SLC2A13: variants seen among roughly 807,000 people sequenced by gnomAD.
SLC2A13 encodes proton myo-inositol cotransporter.
A neutral mutation model predicts 64.4 loss-of-function variants in SLC2A13; 32 were observed. That is an observed-to-expected ratio of 0.50 (90% CI 0.37 to 0.67). SLC2A13 has a LOEUF of 0.67. Ranked by LOEUF, SLC2A13 falls within the 30% of genes least tolerant of loss-of-function variation. SLC2A13 has a pLI of 0.00. For synonymous variants in SLC2A13, 338 were observed against 327.1 expected (o/e 1.03, Z -0.36); for missense variants, 743 against 829.2 (o/e 0.90, Z 1.28).
chr12:39,973,771 T>C (rs1946712651), intron 3 of SLC2A13, among the ~76,000 whole-genome samples: 1 of 152,232 alleles, frequency 6.6e-6, no homozygotes, highest in Non-Finnish European at 1.5e-5. Flanking sequence ...CTTACTGCTA[T>C]CAGAGGTCAA....
At chr12:40,033,472 A>C (rs1947934241) in intron 2 of SLC2A13, among the ~76,000 whole-genome samples, 1 of 152,238 alleles carries the variant, frequency 6.6e-6, no homozygotes, top group South Asian at 2.1e-4. Context: ...CCAACACAGT[A>C]CCACCCACTG....
intron 6 of SLC2A13, among the ~76,000 whole-genome samples, chr12:39,840,585 T>C (rs1943155237): frequency 6.6e-6 from 1 of 151,994 alleles, no homozygotes; most frequent in Admixed American, 6.6e-5. Context: ...CATATTGTTT[T>C]CTCTGGATGT....
intron 7 of SLC2A13, among the ~76,000 whole-genome samples, chr12:39,825,175 C>T (rs913767421): frequency 2.0e-5 from 3 of 151,976 alleles, no homozygotes; most frequent in Non-Finnish European, 4.4e-5. Context: ...ACTGAATCAG[C>T]GCATTAAGAA....
intron 4 of SLC2A13, among the ~76,000 whole-genome samples, chr12:39,893,860 A>G (rs1166539982): frequency 6.6e-6 from 1 of 152,192 alleles, no homozygotes; most frequent in Non-Finnish European, 1.5e-5. Flanking sequence ...TAAGCTTTCA[A>G]TTTTTGAATT....
chr12:40,044,859 T>C (rs1231840125), intron 2 of SLC2A13, among the ~76,000 whole-genome samples: 2 of 152,062 alleles, frequency 1.3e-5, no homozygotes, highest in African/African-American at 4.8e-5. Context: ...TTATCAAAAA[T>C]TATGGCTGTT....
chr12:39,763,299 GATA>G (rs1398265269), intron 9 of SLC2A13, among the ~76,000 whole-genome samples: 2 of 151,970 alleles, frequency 1.3e-5, no homozygotes, highest in Non-Finnish European at 2.9e-5. Flanking sequence ...GTTTTATGAA[GATA>G]ATAAAAGCAT....
At position 39,759,938 on chromosome 12, in the gene SLC2A13, C is replaced by A; in HGVS notation, c.*88G>T. The stretch of plus-strand genomic sequence containing the variant: ...ATCAAAACTAGGCTGTGGAAAGAAC[C>A]AGATTAGAAGCAGGGCAGTGAAGTC... On this transcript the variant is annotated 3_prime_UTR_variant, in exon 10 of 10. Transcript: ENST00000280871. The A allele has an allele frequency of 1.1e-6, 1 of 937,928 alleles. No individual in the cohort carries two copies. Among genetic ancestry groups the A allele is most frequent in the East Asian group, 2.5e-5 (1 of 39,824 alleles). 58.1% of individuals were successfully genotyped at this position (937,928 alleles called of 1,614,324 possible).
rs764788826 is a variant in SLC2A13 at position 39,864,896 on chromosome 12, A to AT, written c.1199-15_1199-14insA. 51 of 1,601,516 alleles carry AT rather than the reference A, an allele frequency of 3.2e-5. No individual in the cohort carries two copies. In the South Asian group the frequency reaches 5.0e-4, roughly 16 times the overall value. On this transcript the variant is annotated splice_polypyrimidine_tract_variant and intron_variant, in intron 5 of 9. Transcript: ENST00000280871. ...CTACGGTGGTACCTTAAAAAAAAAAAGTTTTATATTAGAGAAGAGTTGACA... is the reference window on the plus strand; with the variant it reads ...CTACGGTGGTACCTTAAAAAAAAAAATGTTTTATATTAGAGAAGAGTTGACA...
intron 7 of SLC2A13, among the ~76,000 whole-genome samples, chr12:39,828,300 A>T (rs557732573): frequency 6.6e-6 from 1 of 152,020 alleles, no homozygotes; most frequent in African/African-American, 2.4e-5. Context: ...TATTGTAAGG[A>T]TATGCTGTGA....
In SLC2A13 at chr12:40,088,358, G is replaced by A. The variant is rs182389639; in HGVS notation, c.556+16895C>T. Among the ~76,000 whole-genome samples the A allele has an allele frequency of 8.5e-5, 13 of 152,308 alleles. 1 individual carries two copies. The highest frequency in any genetic ancestry group is 2.9e-5 in the Non-Finnish European group (2 of 68,016). On this transcript the variant is annotated intron_variant, in intron 1 of 9. Coordinates refer to ENST00000280871, the MANE Select transcript of SLC2A13 (RefSeq NM_052885.4). ...TCTAAAACCTCAACATCATATATTA[G>A]AAGGAATTACAAGTTAGAAGAAATT...
chr12:39,768,675 T>C (rs11173507), intron 7 of SLC2A13, among the ~76,000 whole-genome samples: 20,370 of 151,972 alleles, frequency 0.13, 1,648 homozygotes, highest in East Asian at 0.4. Context: ...TTTGACGTCT[T>C]ATACGGGTGC....
intron 4 of SLC2A13, among the ~76,000 whole-genome samples, chr12:39,873,172 T>G (rs1944098879): frequency 1.3e-5 from 2 of 152,284 alleles, no homozygotes; most frequent in African/African-American, 4.8e-5. Flanking sequence ...AAACCAAACC[T>G]ATAAATTAAC....
intron 1 of SLC2A13, among the ~76,000 whole-genome samples, chr12:40,088,421 T>C (rs781700892): frequency 3.3e-5 from 5 of 152,214 alleles, no homozygotes; most frequent in Non-Finnish European, 5.9e-5. Flanking sequence ...TGGGGAGAAC[T>C]GTCAATTTTT....
At chr12:40,062,185 T>A (rs1948434354) in intron 1 of SLC2A13, among the ~76,000 whole-genome samples, 1 of 152,090 alleles carries the variant, frequency 6.6e-6, no homozygotes, top group South Asian at 2.1e-4. Context: ...AAAAAATACA[T>A]ACCAAAAATA....
intron 3 of SLC2A13, among the ~76,000 whole-genome samples, chr12:39,953,222 C>T (rs555239162): frequency 4.5e-4 from 68 of 152,198 alleles, no homozygotes; most frequent in African/African-American, 1.6e-3. Context: ...GCCATAAAAA[C>T]AAGAGATAAG....
At chr12:39,777,621 C>T (rs1340105519) in intron 7 of SLC2A13, among the ~76,000 whole-genome samples, 3 of 152,130 alleles carry the variant, frequency 2.0e-5, no homozygotes, top group Admixed American at 1.3e-4. Context: ...CCTATAAAAA[C>T]CCCGAGACCC....
chr12:40,098,046 T>C (rs1287007751), intron 1 of SLC2A13, among the ~76,000 whole-genome samples: 3 of 150,952 alleles, frequency 2.0e-5, no homozygotes, highest in Non-Finnish European at 4.4e-5. Flanking sequence ...TATGTATATA[T>C]GTGTATATAT....
chr12:40,048,140 G>A lies in SLC2A13; in HGVS notation c.627C>T (p.Val209=), dbSNP rs749913964. Residue 209 remains valine (V), a synonymous_variant, in exon 2 of 10, where the codon GTC becomes GTT. Coordinates refer to ENST00000280871, the MANE Select transcript of SLC2A13 (RefSeq NM_052885.4). ...CTGTGATGAAGAGGGTATTAATGGT[G>A]ACTAATCGGCCTCTTAAATTGGGTG... The part of the protein sequence containing the change: ...VSPPNLRGRL[V]TINTLFITGG... 7.4e-6 allele frequency: 12 copies of A among 1,613,380 alleles called. No homozygotes were observed. The highest frequency in any genetic ancestry group is 1.0e-5 in the Non-Finnish European group (12 of 1,179,720).
At chr12:40,037,869 A>AGAAT (rs1948017145) in intron 2 of SLC2A13, among the ~76,000 whole-genome samples, 1 of 152,172 alleles carries the variant, frequency 6.6e-6, no homozygotes, top group Admixed American at 6.5e-5. Flanking sequence ...TAATGTCCAT[A>AGAAT]GAATGACATG....
Sources: allele counts gnomAD v4.1 joint callset (sites outside exome capture counted in the v4.1 genomes callset), GRCh38; gene constraint gnomAD v4.1.1; transcripts MANE v1.5; gene names NCBI Gene and HGNC (gene_info 2026-07-23, HGNC 2026-07-21).